The following SPMAP1 variants were observed in gnomAD, a reference collection of about 807,000 sequenced individuals.
The protein encoded by SPMAP1 is sperm microtubule associated protein 1, also known as uncharacterized protein C17orf98.
At chr17:38,838,594 C>T in the SPMAP1 span, among the ~76,000 whole-genome samples, 1 of 150,606 alleles carries the variant, frequency 6.6e-6, no homozygotes, top group Admixed American at 6.6e-5. Context: ...GGCGAGACTC[C>T]ACCTCAAAAA....
chr17:38,836,031 C>T, the SPMAP1 span, among the ~76,000 whole-genome samples: 3 of 152,090 alleles, frequency 2.0e-5, no homozygotes, highest in African/African-American at 4.8e-5. Flanking sequence ...TCTCCTGCCT[C>T]AGCCTCCTAA....
the SPMAP1 span, chr17:38,841,283 A>C: frequency 2.5e-6 from 4 of 1,614,100 alleles, no homozygotes; most frequent in Non-Finnish European, 3.4e-6. Context: ...CGCCGACCAC[A>C]GCTTGGGCCT....
At chr17:38,839,994 C>CAAAT in the SPMAP1 span, among the ~76,000 whole-genome samples, 1 of 152,242 alleles carries the variant, frequency 6.6e-6, no homozygotes. Context: ...CGTAGAAACA[C>CAAAT]AAATACTGGA....
chr17:38,838,389 C>T, the SPMAP1 span, among the ~76,000 whole-genome samples: 1 of 151,954 alleles, frequency 6.6e-6, no homozygotes, highest in Non-Finnish European at 1.5e-5. Flanking sequence ...CTCCTGAGGT[C>T]AAGAGTTGGA....
the SPMAP1 span, chr17:38,835,293 G>A: frequency 6.2e-7 from 1 of 1,614,150 alleles, no homozygotes; most frequent in East Asian, 2.2e-5. Context: ...CCATCGATCG[G>A]TTTCAGATCA....
At chr17:38,835,385 G>A in the SPMAP1 span, 1 of 1,609,058 alleles carries the variant, frequency 6.2e-7, no homozygotes, top group Non-Finnish European at 8.5e-7. Context: ...CCTGCATTCA[G>A]CCCACCTCTT....
At chr17:38,839,717 G>A in the SPMAP1 span, among the ~76,000 whole-genome samples, 7 of 151,062 alleles carry the variant, frequency 4.6e-5, no homozygotes, top group South Asian at 2.1e-4. Flanking sequence ...GGAGAATGGC[G>A]TGAACCCAGG....
chr17:38,839,139 AC>A, the SPMAP1 span, among the ~76,000 whole-genome samples: 1 of 150,454 alleles, frequency 6.6e-6, no homozygotes, highest in East Asian at 2.0e-4. Context: ...AAATATGTAT[AC>A]CCTATCATTT....
the SPMAP1 span, among the ~76,000 whole-genome samples, chr17:38,837,677 TAAAA>T: frequency 9.0e-6 from 1 of 111,404 alleles, no homozygotes; most frequent in Middle Eastern, 4.1e-3. Context: ...AAACTCCATC[TAAAA>T]AAAAAAAAAA....
At chr17:38,841,258 G>T in the SPMAP1 span, 13 of 1,614,058 alleles carry the variant, frequency 8.1e-6, no homozygotes, top group South Asian at 1.2e-4. Flanking sequence ...CCTGCTGCGC[G>T]TTGTAGGGCG....
the SPMAP1 span, among the ~76,000 whole-genome samples, chr17:38,840,238 C>G: frequency 6.6e-6 from 1 of 152,188 alleles, no homozygotes; most frequent in African/African-American, 2.4e-5. Flanking sequence ...GAAGGCGTCT[C>G]GCCCTGCAGG....
the SPMAP1 span, chr17:38,835,367 G>A: frequency 1.2e-6 from 2 of 1,612,734 alleles, no homozygotes; most frequent in Non-Finnish European, 1.7e-6. Flanking sequence ...AGGAGAGAGA[G>A]GCCTGAGCCT....
the SPMAP1 span, among the ~76,000 whole-genome samples, chr17:38,836,585 C>CTTTTTTTTTT: frequency 1.0e-4 from 6 of 58,418 alleles, no homozygotes; most frequent in Admixed American, 1.9e-4. Context: ...TTCTTTCTTT[C>CTTTTTTTTTT]TTTTTTTTTT....
chr17:38,839,735 G>A, the SPMAP1 span, among the ~76,000 whole-genome samples: 1 of 151,852 alleles, frequency 6.6e-6, no homozygotes, highest in Admixed American at 6.6e-5. Flanking sequence ...AGGAGGCAGA[G>A]CTTGCAGTGA....
chr17:38,836,513 T>G, the SPMAP1 span, among the ~76,000 whole-genome samples: 3 of 151,690 alleles, frequency 2.0e-5, no homozygotes, highest in Non-Finnish European at 4.4e-5. Flanking sequence ...GGTGGGAGGA[T>G]TGCGCAAGCC....
the SPMAP1 span, among the ~76,000 whole-genome samples, chr17:38,836,709 G>A: frequency 6.7e-6 from 1 of 149,310 alleles, no homozygotes. Context: ...TCCTGCCTCA[G>A]CCTCCCAAGT....
chr17:38,840,784 C>G, the SPMAP1 span, among the ~76,000 whole-genome samples: 1 of 151,742 alleles, frequency 6.6e-6, no homozygotes, highest in Non-Finnish European at 1.5e-5. Flanking sequence ...CCAGCCTGGG[C>G]GAGAATCAGA....
chr17:38,839,954 T>G, the SPMAP1 span, among the ~76,000 whole-genome samples: 97 of 151,986 alleles, frequency 6.4e-4, no homozygotes, highest in Admixed American at 2.4e-3. Flanking sequence ...ACCCCATGAG[T>G]CTTCCTGTCT....
At chr17:38,835,813 A>C in the SPMAP1 span, among the ~76,000 whole-genome samples, 11 of 152,168 alleles carry the variant, frequency 7.2e-5, no homozygotes, top group Admixed American at 1.3e-4. Context: ...TTAGAAAAAT[A>C]TCTCTCAACT....
Sources: allele counts gnomAD v4.1 joint callset (sites outside exome capture counted in the v4.1 genomes callset), GRCh38; gene constraint gnomAD v4.1.1; transcripts MANE v1.5; gene names NCBI Gene and HGNC (gene_info 2026-07-23, HGNC 2026-07-21).